ARL5B: variants seen among roughly 807,000 people sequenced by gnomAD.
ARL5B encodes the protein ARF like GTPase 5B.
ARL5B carries 10 observed loss-of-function variants against 26.9 expected under a neutral mutation model. The ratio of observed to expected loss-of-function variants is 0.37; its 90% CI spans 0.23 to 0.63. The LOEUF (loss-of-function observed/expected upper bound fraction) is 0.63, where lower values mean the gene tolerates loss of function less well. Ranked by LOEUF, ARL5B falls within the 30% of genes least tolerant of loss-of-function variation. ARL5B has a pLI of 0.62. For synonymous variants in ARL5B, 87 were observed against 70.4 expected (o/e 1.24, Z -1.18); for missense variants, 167 against 213.9 (o/e 0.78, Z 1.37).
chr10:18,678,215 T>G lies in ARL5B; in HGVS notation c.*2999T>G, dbSNP rs1210898680. The G allele has an allele frequency of 6.6e-6, 1 of 151,782 alleles. No individual in the cohort carries two copies. Among genetic ancestry groups the G allele is most frequent in the Non-Finnish European group, 1.5e-5 (1 of 67,746 alleles). 9.4% of individuals were successfully genotyped at this position (151,782 alleles called of 1,614,324 possible). A position where few individuals can be genotyped will look rare whatever the true frequency, so the allele number is the denominator to read the frequency against. ...GAAGATTAAATATGTAATTTTTGCT[T>G]TTAGTTTCTTGTGTTAGTATGCTTA... On this transcript the variant is annotated 3_prime_UTR_variant, in exon 6 of 6. Coordinates refer to ENST00000377275, the MANE Select transcript of ARL5B (RefSeq NM_178815.5).
intron 4 of ARL5B, 98 bp from the exon 5 acceptor site, chr10:18,673,886 G>A (rs965768551): frequency 8.2e-6 from 9 of 1,099,438 alleles, no homozygotes; most frequent in South Asian, 5.6e-5. Flanking sequence ...ACTAGTGCCC[G>A]ATTATGTTAA....
At position 18,659,649 on chromosome 10, in the gene ARL5B, C is replaced by T. The variant is rs777193117; in HGVS notation, c.12C>T (p.Ile4=). 6 of 1,613,070 alleles carry T rather than the reference C, an allele frequency of 3.7e-6. No individual in the cohort carries two copies. The highest frequency in any genetic ancestry group is 2.7e-5 in the African/African-American group (2 of 74,806). The change falls in exon 1 of 6, where the codon ATC becomes ATT. Residue 4 remains isoleucine, a synonymous_variant. Coordinates refer to ENST00000377275, the MANE Select transcript of ARL5B (RefSeq NM_178815.5). The part of the protein sequence containing the change: MGL[I]FAKLWSLFCN... ...CCCCGGTGCTCGTGATGGGGCTGAT[C>T]TTCGCCAAACTGTGGAGCCTCTTCT...
At chr10:18,660,685 C>T (rs796452607) in intron 1 of ARL5B, among the ~76,000 whole-genome samples, 3 of 152,154 alleles carry the variant, frequency 2.0e-5, no homozygotes, top group African/African-American at 4.8e-5. Context: ...AACACTAAAG[C>T]AGTCTTTTTC....
At chr10:18,674,261 T>C (rs1590229495) in intron 5 of ARL5B, 126 bp downstream of exon 5, 1 of 826,106 alleles carries the variant, frequency 1.2e-6, no homozygotes, top group East Asian at 3.1e-5. Context: ...AAGGTGACTT[T>C]TATAATGTGT....
At chr10:18,660,123 CA>C (rs1431764645) in intron 1 of ARL5B, among the ~76,000 whole-genome samples, 1 of 152,086 alleles carries the variant, frequency 6.6e-6, no homozygotes, top group African/African-American at 2.4e-5. Flanking sequence ...AGCCGTAAGC[CA>C]GTGCACTTTC....
intron 3 of ARL5B, among the ~76,000 whole-genome samples, chr10:18,671,742 A>G (rs2059888520): frequency 6.6e-6 from 1 of 150,916 alleles, no homozygotes; most frequent in South Asian, 2.1e-4. Context: ...GATTCTCAGT[A>G]CAGCCTCAAC....
At chr10:18,665,450 TGCACTGTA>T (rs1479748269) in intron 1 of ARL5B, among the ~76,000 whole-genome samples, 9 of 152,222 alleles carry the variant, frequency 5.9e-5, no homozygotes, top group Non-Finnish European at 1.2e-4. Context: ...CTGTTTATCC[TGCACTGTA>T]ATAGGCTGTA....
chr10:18,660,078 A>C (rs1275896912), intron 1 of ARL5B, among the ~76,000 whole-genome samples: 1 of 151,094 alleles, frequency 6.6e-6, no homozygotes, highest in African/African-American at 2.4e-5. Context: ...TTTTTTGAGT[A>C]ATGTAGGTGC....
intron 2 of ARL5B, among the ~76,000 whole-genome samples, 196 bp from the exon 3 acceptor site, chr10:18,668,334 A>C (rs2059870659): frequency 6.6e-6 from 1 of 152,070 alleles, no homozygotes; most frequent in South Asian, 2.1e-4. Flanking sequence ...AAAAAAAACA[A>C]ACAAGAAACA....
chr10:18,661,885 G>T (rs757238314), intron 1 of ARL5B, among the ~76,000 whole-genome samples: 11 of 152,180 alleles, frequency 7.2e-5, no homozygotes, highest in Non-Finnish European at 1.6e-4. Context: ...GTTGAGCTTG[G>T]CTGTGTGTTA....
At chr10:18,668,777 T>C in intron 3 of ARL5B, 100 bp downstream of exon 3, 1 of 1,269,174 alleles carries the variant, frequency 7.9e-7, no homozygotes, top group Non-Finnish European at 1.1e-6. Flanking sequence ...TGCCTTTTTT[T>C]TTTTTTTTTT....
At chr10:18,660,299 C>T (rs189174239) in intron 1 of ARL5B, among the ~76,000 whole-genome samples, 1 of 152,038 alleles carries the variant, frequency 6.6e-6, no homozygotes, top group Non-Finnish European at 1.5e-5. Flanking sequence ...CGTAATTAGT[C>T]TGTAACAGGT....
At position 18,678,717 on chromosome 10, in the gene ARL5B, A is replaced by G. The variant is rs1185710844; in HGVS notation, c.*3501A>G. The G allele has an allele frequency of 6.6e-6, 1 of 151,760 alleles. No homozygotes were observed. Among genetic ancestry groups the G allele is most frequent in the African/African-American group, 2.4e-5 (1 of 41,380 alleles). The allele number at this position is 151,760 out of a possible 1,614,324, so 9.4% of individuals were successfully genotyped here. On this transcript the variant is annotated 3_prime_UTR_variant, in exon 6 of 6. Coordinates refer to ENST00000377275, the MANE Select transcript of ARL5B (RefSeq NM_178815.5). ...TTTGGAACCAAAAAAACTTCACTCT[A>G]ATTCAGTCCTAAAGGCTATTTTACA...
chr10:18,675,435 A>G lies in ARL5B; in HGVS notation c.*219A>G, dbSNP rs1295768207. 2 of 495,244 alleles carry G rather than the reference A, an allele frequency of 4.0e-6. No homozygotes were observed. Among genetic ancestry groups the G allele is most frequent in the South Asian group, 3.1e-5 (1 of 32,600 alleles). 30.7% of individuals were successfully genotyped at this position (495,244 alleles called of 1,614,324 possible). The stretch of plus-strand genomic sequence containing the variant: ...TTCAGTTGGATGAATGTAATGTATA[A>G]CTATGTTTTCAGCAACAATTCTTCT... On this transcript the variant is annotated 3_prime_UTR_variant, in exon 6 of 6. Transcript: ENST00000377275.
intron 1 of ARL5B, among the ~76,000 whole-genome samples, chr10:18,662,874 T>G (rs2059843294): frequency 6.6e-6 from 1 of 151,846 alleles, no homozygotes; most frequent in Non-Finnish European, 1.5e-5. Flanking sequence ...GGCTAATTTT[T>G]GTATTTTTAG....
chr10:18,677,611 C>T lies in ARL5B; in HGVS notation c.*2395C>T, dbSNP rs1344259607. 1 of 152,140 alleles carries T rather than the reference C, an allele frequency of 6.6e-6. No individual in the cohort carries two copies. Among genetic ancestry groups the T allele is most frequent in the Non-Finnish European group, 1.5e-5 (1 of 67,758 alleles). 9.4% of individuals were successfully genotyped at this position (152,140 alleles called of 1,614,324 possible). On this transcript the variant is annotated 3_prime_UTR_variant, in exon 6 of 6. Transcript: ENST00000377275. ...CTTTACTCCAAGAGAATGTTTTAAC[C>T]CAAGCAAGTATCTAATACTAGAGCA...
chr10:18,679,260 C>G lies in ARL5B; in HGVS notation c.*4044C>G, dbSNP rs1239614852. 2 of 151,886 alleles carry G rather than the reference C, an allele frequency of 1.3e-5. No homozygotes were observed. The highest frequency in any genetic ancestry group is 2.9e-5 in the Non-Finnish European group (2 of 67,848). 9.4% of individuals were successfully genotyped at this position (151,886 alleles called of 1,614,324 possible). A position where few individuals can be genotyped will look rare whatever the true frequency, so the allele number is the denominator to read the frequency against. On this transcript the variant is annotated 3_prime_UTR_variant, in exon 6 of 6. Coordinates refer to ENST00000377275, the MANE Select transcript of ARL5B (RefSeq NM_178815.5). ...ACCAGCCTGTGTTGGAAATAATTCTCTTCTAGATAATTTACCTTATTTTCT... is the reference window on the plus strand; with the variant it reads ...ACCAGCCTGTGTTGGAAATAATTCTGTTCTAGATAATTTACCTTATTTTCT...
Position 18,676,698 on chromosome 10 carries a change from A to G in ARL5B, c.*1482A>G, listed in dbSNP as rs946527007. The stretch of plus-strand genomic sequence containing the variant: ...CATAATATCAAAATATGTGTTCAAA[A>G]TTGGTATTTTAATTTTAATATTTTT... On this transcript the variant is annotated 3_prime_UTR_variant, in exon 6 of 6. Transcript: ENST00000377275. 4 of 151,980 alleles carry G rather than the reference A, an allele frequency of 2.6e-5. No individual in the cohort carries two copies. Among genetic ancestry groups the G allele is most frequent in the African/African-American group, 9.7e-5 (4 of 41,436 alleles). The allele number at this position is 151,980 out of a possible 1,614,324, so 9.4% of individuals were successfully genotyped here.
intron 1 of ARL5B, among the ~76,000 whole-genome samples, chr10:18,662,418 T>C (rs961083108): frequency 3.9e-5 from 6 of 152,200 alleles, no homozygotes; most frequent in African/African-American, 9.7e-5. Context: ...AGTAAAGCAA[T>C]GTAAAAGTTA....
Sources: gnomAD v4.1 joint callset for allele counts (sites outside exome capture counted in the v4.1 genomes callset) on GRCh38, gnomAD v4.1.1 for gene constraint, MANE v1.5 for transcripts, NCBI Gene and HGNC (gene_info 2026-07-23, HGNC 2026-07-21) for gene names.